The following RAPGEF5 variants were observed in gnomAD, a reference collection of about 807,000 sequenced individuals.
The protein encoded by RAPGEF5 is M-Ras-regulated GEF.
In RAPGEF5, 65 loss-of-function variants were observed where a neutral mutation model predicts 125.2. The observed-to-expected ratio is 0.52, with a 90% confidence interval of 0.43 to 0.64. RAPGEF5 has a LOEUF of 0.64. Among genes scored for constraint, RAPGEF5 ranks in the 30% least tolerant of loss-of-function variants. RAPGEF5 has a pLI of 0.00. For missense variants in RAPGEF5, 958 were observed against 1,048.1 expected (o/e 0.91, Z 1.19); for synonymous variants, 391 against 385.9 (o/e 1.01, Z -0.16).
At chr7:22,238,149 G>A (rs965135276) in intron 7 of RAPGEF5, among the ~76,000 whole-genome samples, 1 of 152,132 alleles carries the variant, frequency 6.6e-6, no homozygotes, top group Non-Finnish European at 1.5e-5. Context: ...TGGCCATTGA[G>A]GGCAGGTTAA....
intron 11 of RAPGEF5, among the ~76,000 whole-genome samples, chr7:22,178,480 C>G (rs889080813): frequency 6.6e-6 from 1 of 152,208 alleles, no homozygotes; most frequent in Non-Finnish European, 1.5e-5. Context: ...CCAGTGGGCT[C>G]TATATCAGGG....
intron 9 of RAPGEF5, chr7:22,194,804 T>A (rs1478244222): frequency 2.1e-6 from 2 of 972,856 alleles, no homozygotes; most frequent in Non-Finnish European, 2.4e-6. Context: ...CAGCCCAGAG[T>A]GAGTGTGGCC....
chr7:22,334,270 GAA>G (rs71671523), intron 1 of RAPGEF5, among the ~76,000 whole-genome samples: 33,119 of 151,932 alleles, frequency 0.22, 3,656 homozygotes, highest in Admixed American at 0.24. Context: ...GGAGGAAAGA[GAA>G]AGAGAAGTGT....
intron 6 of RAPGEF5, among the ~76,000 whole-genome samples, chr7:22,268,368 A>G (rs1254349620): frequency 6.6e-6 from 1 of 152,214 alleles, no homozygotes; most frequent in Non-Finnish European, 1.5e-5. Context: ...AAGAGTACTG[A>G]GGCAGACAGA....
intron 7 of RAPGEF5, among the ~76,000 whole-genome samples, chr7:22,231,380 T>C (rs1001198118): frequency 6.6e-6 from 1 of 152,176 alleles, no homozygotes; most frequent in Non-Finnish European, 1.5e-5. Context: ...TTCCATATTG[T>C]GGAGTCTTGA....
intron 7 of RAPGEF5, among the ~76,000 whole-genome samples, chr7:22,243,998 T>G (rs1333479053): frequency 6.6e-6 from 1 of 152,176 alleles, no homozygotes; most frequent in Admixed American, 6.5e-5. Context: ...AGTTCTACTT[T>G]CTAAGTTCCA....
At chr7:22,288,112 C>T (rs1782840725) in intron 6 of RAPGEF5, among the ~76,000 whole-genome samples, 1 of 152,222 alleles carries the variant, frequency 6.6e-6, no homozygotes, top group Admixed American at 6.5e-5. Flanking sequence ...GAACACTTTG[C>T]TGCCCATTCC....
At chr7:22,167,630 T>C (rs1784213053) in intron 11 of RAPGEF5, among the ~76,000 whole-genome samples, 2 of 152,172 alleles carry the variant, frequency 1.3e-5, no homozygotes, top group African/African-American at 2.4e-5. Flanking sequence ...AAGACACATA[T>C]CAGGTTCCAA....
intron 11 of RAPGEF5, among the ~76,000 whole-genome samples, chr7:22,177,724 G>A (rs1784552666): frequency 1.3e-5 from 2 of 152,224 alleles, no homozygotes; most frequent in Admixed American, 1.3e-4. Flanking sequence ...CACTGAGGCT[G>A]AGATGAATAA....
chr7:22,216,482 C>T (rs1022666710), intron 9 of RAPGEF5, among the ~76,000 whole-genome samples: 13 of 152,208 alleles, frequency 8.5e-5, no homozygotes, highest in African/African-American at 2.9e-4. Context: ...CTGCCTTCTT[C>T]TATGACCATT....
chr7:22,139,374 C>T (rs746551716), intron 21 of RAPGEF5, among the ~76,000 whole-genome samples: 5 of 152,126 alleles, frequency 3.3e-5, no homozygotes, highest in African/African-American at 1.2e-4. Flanking sequence ...CAAGGAAGGA[C>T]GGTGAGGGGA....
intron 7 of RAPGEF5, among the ~76,000 whole-genome samples, chr7:22,243,060 A>G (rs901152872): frequency 6.6e-6 from 1 of 152,102 alleles, no homozygotes; most frequent in Non-Finnish European, 1.5e-5. Flanking sequence ...CCACAGAGCC[A>G]CTGTCAAAAA....
At chr7:22,181,788 T>A (rs1004328103) in intron 11 of RAPGEF5, among the ~76,000 whole-genome samples, 35 of 152,060 alleles carry the variant, frequency 2.3e-4, no homozygotes, top group African/African-American at 8.5e-4. Flanking sequence ...GTTTCAATTG[T>A]AGAGTAAGAA....
chr7:22,343,855 G>T (rs534993536), intron 1 of RAPGEF5, among the ~76,000 whole-genome samples: 1 of 152,176 alleles, frequency 6.6e-6, no homozygotes, highest in Non-Finnish European at 1.5e-5. Context: ...CCCACATAAA[G>T]GTTTTATAAT....
intron 7 of RAPGEF5, among the ~76,000 whole-genome samples, chr7:22,263,068 A>C (rs1024277927): frequency 2.0e-5 from 3 of 152,264 alleles, no homozygotes; most frequent in Non-Finnish European, 4.4e-5. Context: ...CCATTTCAAT[A>C]GGTTACATAC....
intron 9 of RAPGEF5, among the ~76,000 whole-genome samples, chr7:22,216,039 C>T (rs1210705542): frequency 1.3e-5 from 2 of 152,198 alleles, no homozygotes; most frequent in African/African-American, 2.4e-5. Flanking sequence ...ATAGCATGCA[C>T]ATCCCCCATT....
intron 7 of RAPGEF5, among the ~76,000 whole-genome samples, chr7:22,255,948 G>A (rs1331626106): frequency 6.6e-6 from 1 of 152,176 alleles, no homozygotes; most frequent in Non-Finnish European, 1.5e-5. Flanking sequence ...CATTCTGCCT[G>A]CAGACTTTCT....
chr7:22,203,962 G>A (rs909821655), intron 9 of RAPGEF5, among the ~76,000 whole-genome samples: 2 of 152,178 alleles, frequency 1.3e-5, no homozygotes, highest in East Asian at 1.9e-4. Flanking sequence ...CCAGTAACCC[G>A]AATCACTGCT....
chr7:22,345,689 T>C (rs1277615442), intron 1 of RAPGEF5, among the ~76,000 whole-genome samples: 1 of 147,208 alleles, frequency 6.8e-6, no homozygotes, highest in East Asian at 2.0e-4. Flanking sequence ...AGAACATGTC[T>C]AGGCAGCTTT....
Sources: gnomAD v4.1 joint callset for allele counts (sites outside exome capture counted in the v4.1 genomes callset) on GRCh38, gnomAD v4.1.1 for gene constraint, MANE v1.5 for transcripts, NCBI Gene and HGNC (gene_info 2026-07-23, HGNC 2026-07-21) for gene names.